Variants in PLN observed in about 807,000 individuals in gnomAD.
The protein encoded by PLN is cardiac phospholamban.
In PLN, 1 loss-of-function variant was observed where a neutral mutation model predicts 3.9. That is an observed-to-expected ratio of 0.26 (90% CI 0.09 to 1.23). The LOEUF (loss-of-function observed/expected upper bound fraction) is 1.23, where lower values mean the gene tolerates loss of function less well. Among genes scored for constraint, PLN ranks in the 50% most tolerant of loss-of-function variants. PLN has a pLI of 0.48. For synonymous variants in PLN, 21 were observed against 20.5 expected (o/e 1.02, Z -0.07); for missense variants, 59 against 62.7 (o/e 0.94, Z 0.20).
Position 118,560,598 on chromosome 6 carries a change from A to G in PLN, c.*1518A>G, listed in dbSNP as rs890468452. 8.4e-5 allele frequency: 14 copies of G among 167,204 alleles called. No individual in the cohort carries two copies. The highest frequency in any genetic ancestry group is 3.1e-4 in the African/African-American group (13 of 41,586). The allele number at this position is 167,204 out of a possible 1,614,324, so 10.4% of individuals were successfully genotyped here. On this transcript the variant is annotated 3_prime_UTR_variant, in exon 2 of 2. Transcript: ENST00000357525. Reference sequence around the variant, plus strand: ...TCAAGCCCTTGTTGTTCAAGGGTCAACTGTAATAGGATATAGCTATTTTTC... The same window carrying G: ...TCAAGCCCTTGTTGTTCAAGGGTCAGCTGTAATAGGATATAGCTATTTTTC...
At chr6:118,550,886 C>A (rs958228518) in intron 1 of PLN, among the ~76,000 whole-genome samples, 5 of 151,804 alleles carry the variant, frequency 3.3e-5, no homozygotes, top group Admixed American at 6.6e-5. Context: ...AAATTATATT[C>A]TACTGATCAT....
At position 118,559,299 on chromosome 6, in the gene PLN, T is replaced by C. The variant is rs1347440330; in HGVS notation, c.*219T>C. 5.5e-6 allele frequency: 3 copies of C among 548,132 alleles called. No individual in the cohort carries two copies. The African/African-American group carries it at 5.7e-5, about 10-fold the overall frequency. The allele number at this position is 548,132 out of a possible 1,614,324, so 34.0% of individuals were successfully genotyped here. On this transcript the variant is annotated 3_prime_UTR_variant, in exon 2 of 2. Coordinates refer to ENST00000357525, the MANE Select transcript of PLN (RefSeq NM_002667.5). ...AGGGCTTTATTTTCAAAAATTAACT[T>C]CAAAATAAGTGTATAAAATGCAACT...
At chr6:118,550,442 C>G (rs1305503569) in intron 1 of PLN, among the ~76,000 whole-genome samples, 1 of 151,618 alleles carries the variant, frequency 6.6e-6, no homozygotes, top group Non-Finnish European at 1.5e-5. Flanking sequence ...AATATATTAC[C>G]AATCCCAGAA....
At chr6:118,552,693 G>A (rs1447425576) in intron 1 of PLN, among the ~76,000 whole-genome samples, 1 of 149,400 alleles carries the variant, frequency 6.7e-6, no homozygotes, top group Non-Finnish European at 1.5e-5. Context: ...TACTTTTCTT[G>A]AGGAAAGGAC....
chr6:118,554,935 G>C (rs1289894189), intron 1 of PLN, among the ~76,000 whole-genome samples: 1 of 152,148 alleles, frequency 6.6e-6, no homozygotes, highest in East Asian at 1.9e-4. Context: ...CAACGTAGGG[G>C]ATGACTCCTG....
At position 118,558,953 on chromosome 6, in the gene PLN, C is replaced by G; in HGVS notation, c.32C>G (p.Ala11Gly). ...AAAGTCCAATACCTCACTCGCTCAG[C>G]TATAAGAAGAGCCTCAACCATTGAA... MEKVQYLTRS[A>G]IRRASTIEMP... is the part of the protein sequence containing the mutation. Residue 11 changes from alanine (A) to glycine (G), a missense_variant, in exon 2 of 2, where the codon GCT becomes GGT. Physicochemically the swap from Ala to Gly is moderately conservative, Grantham distance 60. Coordinates refer to ENST00000357525, the MANE Select transcript of PLN (RefSeq NM_002667.5). 1 of 1,613,830 alleles carries G rather than the reference C, an allele frequency of 6.2e-7. No individual in the cohort carries two copies. The highest frequency in any genetic ancestry group is 8.5e-7 in the Non-Finnish European group (1 of 1,179,734).
chr6:118,550,775 G>A lies in PLN; in HGVS notation c.-98+2383G>A, dbSNP rs574654193. On this transcript the variant is annotated intron_variant, in intron 1 of 1. Coordinates refer to ENST00000357525, the MANE Select transcript of PLN (RefSeq NM_002667.5). ...AATACTGTAAATGATATTCTAAAAG[G>A]CAAAAGGCAAATTCAGAGAATACAA... 7.9e-5 allele frequency among the ~76,000 whole-genome samples: 12 copies of A among 151,760 alleles called. No individual in the cohort carries two copies. The South Asian group carries it at 2.5e-3, about 31-fold the overall frequency.
In PLN at chr6:118,560,742, T is replaced by A. The variant is rs956019588; in HGVS notation, c.*1662T>A. ...TGATGAATAAATTTTCAATTTCTCC[T>A]CTGACCATTTCAGAACATCTTCCAA... On this transcript the variant is annotated 3_prime_UTR_variant, in exon 2 of 2. Transcript: ENST00000357525. 8 of 162,926 alleles carry A rather than the reference T, an allele frequency of 4.9e-5. No homozygotes were observed. The highest frequency in any genetic ancestry group is 1.9e-4 in the African/African-American group (8 of 41,470). 10.1% of individuals were successfully genotyped at this position (162,926 alleles called of 1,614,324 possible).
At chr6:118,554,932 G>C (rs572648453) in intron 1 of PLN, among the ~76,000 whole-genome samples, 1 of 152,188 alleles carries the variant, frequency 6.6e-6, no homozygotes, top group Non-Finnish European at 1.5e-5. Flanking sequence ...TGTCAACGTA[G>C]GGGATGACTC....
chr6:118,550,534 G>C lies in PLN; in HGVS notation c.-98+2142G>C, dbSNP rs570004639. On this transcript the variant is annotated intron_variant, in intron 1 of 1. Coordinates refer to ENST00000357525, the MANE Select transcript of PLN (RefSeq NM_002667.5). The stretch of plus-strand genomic sequence containing the variant: ...ACTCGTGTACACAAATATTTCATTT[G>C]GTCCTCTTAATTATATATTTGATAC... 2.0e-5 allele frequency among the ~76,000 whole-genome samples: 3 copies of C among 151,692 alleles called. No homozygotes were observed. The East Asian group carries it at 5.8e-4, about 29-fold the overall frequency.
intron 1 of PLN, among the ~76,000 whole-genome samples, chr6:118,555,156 G>A (rs1583036747): frequency 6.6e-6 from 1 of 152,138 alleles, no homozygotes; most frequent in Non-Finnish European, 1.5e-5. Flanking sequence ...ACTCGGCCAG[G>A]TGCAGTGGCT....
At position 118,555,983 on chromosome 6, in the gene PLN, A is replaced by C. The variant is rs558104959; in HGVS notation, c.-97-2842A>C. ...ATGTTCCCGCAAAAGACATGATATC[A>C]TTCTTTTTTATGGCTGCATAGTATT... On this transcript the variant is annotated intron_variant, in intron 1 of 1. Transcript: ENST00000357525. 6.6e-5 allele frequency among the ~76,000 whole-genome samples: 10 copies of C among 152,308 alleles called. No individual in the cohort carries two copies. The South Asian group carries it at 1.0e-3, about 16-fold the overall frequency.
At position 118,560,535 on chromosome 6, in the gene PLN, G is replaced by C. The variant is rs1287652871; in HGVS notation, c.*1455G>C. ...TCTTGTCTTAGGGGTGTGGGGAGTG[G>C]GGGAAAGAATATTCATGTATAAGTG... On this transcript the variant is annotated 3_prime_UTR_variant, in exon 2 of 2. Transcript: ENST00000357525. 6.0e-6 allele frequency: 1 copy of C among 166,944 alleles called. No individual in the cohort carries two copies. The highest frequency in any genetic ancestry group is 1.5e-5 in the Non-Finnish European group (1 of 68,080). The allele number at this position is 166,944 out of a possible 1,614,324, so 10.3% of individuals were successfully genotyped here. A position where few individuals can be genotyped will look rare whatever the true frequency, so the allele number is the denominator to read the frequency against.
intron 1 of PLN, among the ~76,000 whole-genome samples, chr6:118,554,020 A>T (rs1264189703): frequency 6.6e-6 from 1 of 152,170 alleles, no homozygotes; most frequent in Non-Finnish European, 1.5e-5. Flanking sequence ...ACTTATTATT[A>T]AAAATGAGGG....
chr6:118,557,102 C>T (rs1284144613), intron 1 of PLN, among the ~76,000 whole-genome samples: 1 of 152,096 alleles, frequency 6.6e-6, no homozygotes, highest in African/African-American at 2.4e-5. Context: ...TACTTAACAT[C>T]AAATCTTATT....
rs1779211975 is a variant in PLN at position 118,561,354 on chromosome 6, C to T, written c.*2274C>T. ...ACACTGTTTGTTACAATATTTTTCT[C>T]AGTAAACAGAAATAACTAATTTTTT... On this transcript the variant is annotated 3_prime_UTR_variant, in exon 2 of 2. Coordinates refer to ENST00000357525, the MANE Select transcript of PLN (RefSeq NM_002667.5). 6.6e-6 allele frequency among the ~76,000 whole-genome samples: 1 copy of T among 152,044 alleles called. No individual in the cohort carries two copies. Among genetic ancestry groups the T allele is most frequent in the Admixed American group, 6.6e-5 (1 of 15,256 alleles).
chr6:118,555,977 G>A (rs548626326), intron 1 of PLN, among the ~76,000 whole-genome samples: 1 of 152,160 alleles, frequency 6.6e-6, no homozygotes, highest in Admixed American at 6.5e-5. Flanking sequence ...CAAAAGACAT[G>A]ATATCATTCT....
intron 1 of PLN, among the ~76,000 whole-genome samples, chr6:118,548,806 G>A (rs1778361195): frequency 6.6e-6 from 1 of 151,982 alleles, no homozygotes; most frequent in South Asian, 2.1e-4. Flanking sequence ...GTGCAGAACT[G>A]AGCTATTTAC....
chr6:118,552,658 T>C (rs1778618999), intron 1 of PLN, among the ~76,000 whole-genome samples: 1 of 151,950 alleles, frequency 6.6e-6, no homozygotes, highest in Admixed American at 6.6e-5. Context: ...ATCTTGAACT[T>C]GATTTTTTTT....
Sources: allele counts gnomAD v4.1 joint callset (sites outside exome capture counted in the v4.1 genomes callset), GRCh38; gene constraint gnomAD v4.1.1; transcripts MANE v1.5; gene names NCBI Gene and HGNC (gene_info 2026-07-23, HGNC 2026-07-21).